SAFB: variants seen among roughly 807,000 people sequenced by gnomAD.
SAFB encodes the protein scaffold attachment factor B.
Under a neutral mutation model 101.6 loss-of-function variants are expected in SAFB, and 15 were observed. The observed-to-expected ratio is 0.15, with a 90% CI of 0.10 to 0.23. The LOEUF (loss-of-function observed/expected upper bound fraction) is 0.23, where lower values mean the gene tolerates loss of function less well. Among genes scored for constraint, SAFB ranks in the 10% least tolerant of loss-of-function variants. SAFB has a pLI of 1.00. For missense variants in SAFB, 930 were observed against 1,104.1 expected, an observed-to-expected ratio of 0.84 and a Z score of 2.23; for synonymous variants, 449 against 407.5, an observed-to-expected ratio of 1.10 and a Z score of -1.23.
Position 5,659,420 on chromosome 19 carries a change from C to G in SAFB, c.1862+2073C>G, listed in dbSNP as rs796082486. ...TTTCCGAGACGGAATCTTGCTCTGT[C>G]TCCCAGGCTGGAGTACAGTGGCACG... is the stretch of plus-strand genomic sequence containing the variant. On this transcript the variant is annotated intron_variant, in intron 14 of 20. Coordinates refer to ENST00000588852, the MANE Select transcript of SAFB (RefSeq NM_001201338.2). 3.3e-5 allele frequency among the ~76,000 whole-genome samples: 5 copies of G among 151,794 alleles called. 1 individual carries two copies. Among genetic ancestry groups the G allele is most frequent in the African/African-American group, 1.2e-4 (5 of 41,384 alleles).
chr19:5,662,012 G>A (rs1171491112), intron 15 of SAFB, among the ~76,000 whole-genome samples: 1 of 152,048 alleles, frequency 6.6e-6, no homozygotes, highest in Admixed American at 6.5e-5. Context: ...AGCCTCCCGA[G>A]TAGCTGGGAC....
chr19:5,658,600 G>A (rs944573202), intron 14 of SAFB, among the ~76,000 whole-genome samples: 9 of 152,038 alleles, frequency 5.9e-5, no homozygotes, highest in Non-Finnish European at 2.9e-5. Context: ...AGCACTGTGG[G>A]AGGCCGACCG....
At chr19:5,635,267 T>TA in intron 2 of SAFB, among the ~76,000 whole-genome samples, 1 of 152,114 alleles carries the variant, frequency 6.6e-6, no homozygotes, top group East Asian at 1.9e-4. Flanking sequence ...GGAACTGCCG[T>TA]AGCATGGAGT....
intron 2 of SAFB, among the ~76,000 whole-genome samples, chr19:5,641,381 C>G (rs1274969030): frequency 6.6e-6 from 1 of 151,876 alleles, no homozygotes; most frequent in Non-Finnish European, 1.5e-5. Flanking sequence ...ACTTCTACTT[C>G]CACAGCTCAG....
Position 5,623,167 on chromosome 19 carries a change from GT to G in SAFB, c.-37del, listed in dbSNP as rs2053223378. ...CTAGGAGCCTGATAAAACCGGCCCG[GT>G]TCTGTGGAAAGTGGGCGGCGGAGCC... On this transcript the variant is annotated 5_prime_UTR_variant, in exon 1 of 21. Transcript: ENST00000588852. The G allele has an allele frequency of 3.2e-6, 5 of 1,549,536 alleles. No individual in the cohort carries two copies. Among genetic ancestry groups the G allele is most frequent in the Non-Finnish European group, 3.5e-6 (4 of 1,145,956 alleles).
Position 5,641,811 on chromosome 19 carries a change from A to G in SAFB, c.411A>G (p.Ala137=). The G allele has an allele frequency of 1.2e-5, 20 of 1,614,164 alleles. No homozygotes were observed. The highest frequency in any genetic ancestry group is 1.6e-5 in the Non-Finnish European group (19 of 1,180,032). Residue 137 remains alanine, a synonymous_variant, in exon 4 of 21, where the codon GCA becomes GCG. Coordinates refer to ENST00000588852, the MANE Select transcript of SAFB (RefSeq NM_001201338.2). The stretch of plus-strand genomic sequence containing the variant: ...TGGATATCAGTGTGTTGGATGAAGC[A>G]GAAATTGATAATGGAAGCGTTGCAG... ...DIMDISVLDE[A]EIDNGSVADC... is the part of the protein sequence containing the mutation.
chr19:5,651,338 C>G (rs2053934056), intron 9 of SAFB, among the ~76,000 whole-genome samples: 1 of 152,188 alleles, frequency 6.6e-6, no homozygotes, highest in Admixed American at 6.5e-5. Context: ...TCTGTGTCCT[C>G]AGGACGTCGC....
intron 13 of SAFB, 32 bp from the exon 14 acceptor site, chr19:5,657,209 C>A (rs2145472809): frequency 6.4e-7 from 1 of 1,568,934 alleles, no homozygotes; most frequent in East Asian, 2.2e-5. Flanking sequence ...CTGGCCTCTG[C>A]TTTAACTTTT....
intron 1 of SAFB, 68 bp downstream of exon 1, chr19:5,623,462 G>A (rs1250891278): frequency 7.3e-6 from 10 of 1,367,444 alleles, no homozygotes; most frequent in Non-Finnish European, 9.9e-6. Context: ...ACGGTGGCTC[G>A]CGGGCCCTGG....
intron 14 of SAFB, among the ~76,000 whole-genome samples, chr19:5,661,165 C>T (rs1054892028): frequency 1.3e-5 from 2 of 152,054 alleles, no homozygotes; most frequent in Non-Finnish European, 2.9e-5. Flanking sequence ...TCATGATCCA[C>T]CCACCTCAGC....
At chr19:5,665,782 C>T (rs1480995479) in intron 17 of SAFB, 3 of 152,226 alleles carry the variant, frequency 2.0e-5, no homozygotes, top group African/African-American at 7.2e-5. Context: ...AAAACTAGCA[C>T]AGAACTTATG....
Position 5,623,220 on chromosome 19 carries a change from G to C in SAFB, c.15G>C (p.Leu5=), listed in dbSNP as rs1236935405. The stretch of plus-strand genomic sequence containing the variant: ...GGGTCCCTGGAATGGCGGAGACTCT[G>C]TCAGGCCTAGGTGATTCTGGAGCGG... The part of the protein sequence containing the change: MAET[L]SGLGDSGAAG... The change falls in exon 1 of 21, where the codon CTG becomes CTC. Residue 5 remains leucine (L), a synonymous_variant. Coordinates refer to ENST00000588852, the MANE Select transcript of SAFB (RefSeq NM_001201338.2). 2.5e-6 allele frequency: 4 copies of C among 1,598,436 alleles called. No homozygotes were observed. The highest frequency in any genetic ancestry group is 3.4e-6 in the Non-Finnish European group (4 of 1,172,894).
chr19:5,664,144 A>G lies in SAFB; in HGVS notation c.2276A>G (p.Asp759Gly). 1 of 1,613,750 alleles carries G rather than the reference A, an allele frequency of 6.2e-7. No individual in the cohort carries two copies. ...CACAGGGACCGCGGCCGCTACCCCG[A>G]CCACTCGGTGGACAGGTCAGTTGGG... is the stretch of plus-strand genomic sequence containing the variant. The part of the protein sequence containing the change: ...FDHRDRGRYP[D>G]HSVDRREGSR... The change falls in exon 16 of 21, where the codon GAC becomes GGC. Residue 759 changes from aspartate (D) to glycine (G), a missense_variant. Asp to Gly is a moderately conservative substitution (Grantham distance 94). Transcript: ENST00000588852.
At position 5,641,775 on chromosome 19, in the gene SAFB, C is replaced by T. The variant is rs1453542917; in HGVS notation, c.375C>T (p.Asp125=). 1.2e-6 allele frequency: 2 copies of T among 1,613,906 alleles called. No homozygotes were observed. The highest frequency in any genetic ancestry group is 3.3e-5 in the Admixed American group (2 of 59,992). The part of the protein sequence containing the change: ...DVETSLENLQ[D]IDIMDISVLD... ...AGACCAGTCTGGAGAACTTGCAGGA[C>T]ATCGACATCATGGATATCAGTGTGT... The change falls in exon 4 of 21, where the codon GAC becomes GAT. Residue 125 remains aspartate (D), a synonymous_variant. Transcript: ENST00000588852.
At chr19:5,644,869 G>A (rs891788486) in intron 4 of SAFB, among the ~76,000 whole-genome samples, 5 of 152,214 alleles carry the variant, frequency 3.3e-5, no homozygotes, top group Non-Finnish European at 5.9e-5. Context: ...CATGCTGGGA[G>A]ATGCTGTTCC....
chr19:5,667,216 G>GC lies in SAFB; in HGVS notation c.2453+55dup. The GC allele has an allele frequency of 7.7e-7, 1 of 1,291,672 alleles. No individual in the cohort carries two copies. The allele number at this position is 1,291,672 out of a possible 1,614,324, so 80.0% of individuals were successfully genotyped here. On this transcript the variant is annotated intron_variant, in intron 18 of 20. Coordinates refer to ENST00000588852, the MANE Select transcript of SAFB (RefSeq NM_001201338.2). The surrounding 1 kb of genome is among the most constrained non-coding windows in gnomAD (Gnocchi z 4.0). ...TGACCCCCCCCCCGCCCACAAGGGG[G>GC]CCCGCAAGTCGCTGGGATGTGGGCA...
rs142575562 is a variant in SAFB at position 5,631,454 on chromosome 19, G to A, written c.274+4965G>A. 2.7e-4 allele frequency among the ~76,000 whole-genome samples: 41 copies of A among 152,204 alleles called. No individual in the cohort carries two copies. The East Asian group carries it at 5.0e-3, about 19-fold the overall frequency. ...ATTTTGATATCTGATAGGGCAGGTCGGTAAGTTTTCTTGAATTATTTTCAA... is the reference window on the plus strand; with the variant it reads ...ATTTTGATATCTGATAGGGCAGGTCAGTAAGTTTTCTTGAATTATTTTCAA... On this transcript the variant is annotated intron_variant, in intron 2 of 20. Coordinates refer to ENST00000588852, the MANE Select transcript of SAFB (RefSeq NM_001201338.2).
chr19:5,645,901 G>GT lies in SAFB; in HGVS notation c.609+508dup, dbSNP rs567911187. 2.4e-3 allele frequency among the ~76,000 whole-genome samples: 372 copies of GT among 152,144 alleles called. 2 individuals are homozygous for GT. The highest frequency in any genetic ancestry group is 3.8e-3 in the Non-Finnish European group (256 of 67,988). ...TTTTGTTTTGTTTTGTTTTTGTTTT[G>GT]TTTTTTCTGAAATTGCCCAGATTTC... On this transcript the variant is annotated intron_variant, in intron 5 of 20. Transcript: ENST00000588852.
intron 2 of SAFB, among the ~76,000 whole-genome samples, chr19:5,630,833 A>G (rs768217921): frequency 4.6e-5 from 7 of 151,960 alleles, no homozygotes; most frequent in Non-Finnish European, 1.0e-4. Context: ...TACATTTTAC[A>G]TTTGGAGGTT....
Sources: allele counts gnomAD v4.1 joint callset (sites outside exome capture counted in the v4.1 genomes callset), GRCh38; gene constraint gnomAD v4.1.1; non-coding constraint Gnocchi (gnomAD v3.1); transcripts MANE v1.5; gene names NCBI Gene and HGNC (gene_info 2026-07-23, HGNC 2026-07-21).